The following ZMYM2 variants were observed in gnomAD, a reference collection of about 807,000 sequenced individuals.
ZMYM2 encodes the protein zinc finger MYM-type protein 2.
A neutral mutation model predicts 162.8 loss-of-function variants in ZMYM2; 56 were observed. The observed-to-expected ratio is 0.34, with a 90% confidence interval of 0.28 to 0.43. ZMYM2 has a LOEUF of 0.43. ZMYM2 is among the 20% of genes least tolerant of loss of function. The pLI is 1.00. For synonymous variants in ZMYM2, 510 were observed against 541.6 expected, an observed-to-expected ratio of 0.94 and a Z score of 0.81; for missense variants, 1,275 against 1,621.8, an observed-to-expected ratio of 0.79 and a Z score of 3.67.
chr13:20,051,419 C>G lies in ZMYM2; in HGVS notation c.2293-14C>G. 1 of 1,604,564 alleles carries G rather than the reference C, an allele frequency of 6.2e-7. No individual in the cohort carries two copies. Among genetic ancestry groups the G allele is most frequent in the South Asian group, 1.1e-5 (1 of 88,896 alleles). On this transcript the variant is annotated splice_polypyrimidine_tract_variant and intron_variant, in intron 12 of 24. Coordinates refer to ENST00000610343, the MANE Select transcript of ZMYM2 (RefSeq NM_197968.4). Reference sequence around the variant, plus strand: ...ATAATTTGCAATATCTGAAACCTTCCTTTTTAAATTAAGGCTGCAAGGTGT... The same window carrying G: ...ATAATTTGCAATATCTGAAACCTTCGTTTTTAAATTAAGGCTGCAAGGTGT...
At chr13:19,884,417 G>A in the ZMYM2 span, among the ~76,000 whole-genome samples, 1 of 152,118 alleles carries the variant, frequency 6.6e-6, no homozygotes, top group East Asian at 1.9e-4. Flanking sequence ...TATGACTAAC[G>A]ATACAAAAAA....
chr13:20,082,116 G>A lies in ZMYM2; in HGVS notation c.3554G>A (p.Ser1185Asn), dbSNP rs1254815027. The A allele has an allele frequency of 6.2e-7, 1 of 1,602,410 alleles. No individual in the cohort carries two copies. Among genetic ancestry groups the A allele is most frequent in the East Asian group, 2.3e-5 (1 of 44,342 alleles). Reference protein sequence around the residue: ...LNKILRSWQPSILPDGSIFSR... With the variant: ...LNKILRSWQPNILPDGSIFSR... ...AAAATACTGCGAAGCTGGCAACCAA[G>A]CATACTTCCAGATGGTAATGCTATT... is the stretch of plus-strand genomic sequence containing the variant. Residue 1185 changes from serine to asparagine, a missense_variant, in exon 22 of 25, where the codon AGC becomes AAC. Coordinates refer to ENST00000610343, the MANE Select transcript of ZMYM2 (RefSeq NM_197968.4).
intron 12 of ZMYM2, among the ~76,000 whole-genome samples, chr13:20,042,242 G>A (rs753549270): frequency 1.3e-5 from 2 of 152,092 alleles, no homozygotes; most frequent in East Asian, 1.9e-4. Context: ...ATTTCCTGGA[G>A]GTTTTGCTCG....
At chr13:19,942,419 A>G in the ZMYM2 span, among the ~76,000 whole-genome samples, 1 of 152,014 alleles carries the variant, frequency 6.6e-6, no homozygotes, top group Non-Finnish European at 1.5e-5. Context: ...TCATCTGTGT[A>G]CTTTTTAAAG....
chr13:20,051,400 T>C (rs1467143703), intron 12 of ZMYM2, 33 bp from the exon 13 acceptor site: 5 of 1,593,626 alleles, frequency 3.1e-6, no homozygotes, highest in Non-Finnish European at 4.3e-6. Flanking sequence ...AAAAATAATT[T>C]GCAATATCTG....
intron 2 of ZMYM2, among the ~76,000 whole-genome samples, chr13:19,977,972 G>A (rs1956942506): frequency 6.6e-6 from 1 of 150,932 alleles, no homozygotes. Context: ...CGCCTCCCGG[G>A]TTCATGCCAT....
the ZMYM2 span, among the ~76,000 whole-genome samples, chr13:19,875,408 T>C: frequency 2.0e-5 from 3 of 151,976 alleles, no homozygotes; most frequent in South Asian, 6.2e-4. Context: ...GGCAGGCAGA[T>C]CACGAGGTCA....
intron 2 of ZMYM2, among the ~76,000 whole-genome samples, chr13:19,966,104 A>C (rs188661550): frequency 7.5e-6 from 1 of 133,472 alleles, no homozygotes; most frequent in Non-Finnish European, 1.6e-5. Flanking sequence ...TTATAATTCT[A>C]TATTTGCTTG....
the ZMYM2 span, among the ~76,000 whole-genome samples, chr13:19,871,545 G>A: frequency 0.1 from 15,196 of 151,972 alleles, 904 homozygotes; most frequent in African/African-American, 0.17. Context: ...CTACAAGCAC[G>A]TGCCACCATG....
rs1958335928 is a variant in ZMYM2 at position 20,087,376 on chromosome 13, T to G, written c.*1362T>G. 1 of 190,416 alleles carries G rather than the reference T, an allele frequency of 5.3e-6. No individual in the cohort carries two copies. Among genetic ancestry groups the G allele is most frequent in the African/African-American group, 2.3e-5 (1 of 42,958 alleles). 11.8% of individuals were successfully genotyped at this position (190,416 alleles called of 1,614,324 possible). A position where few individuals can be genotyped will look rare whatever the true frequency, so the allele number is the denominator to read the frequency against. On this transcript the variant is annotated 3_prime_UTR_variant, in exon 25 of 25. Coordinates refer to ENST00000610343, the MANE Select transcript of ZMYM2 (RefSeq NM_197968.4). ...TCTACTTTCTAAAGACTGAACAAAG[T>G]GCTAGCTGCAAATTATCTTGAAATC...
At chr13:20,058,256 T>C (rs1566418181) in intron 14 of ZMYM2, among the ~76,000 whole-genome samples, 1 of 152,234 alleles carries the variant, frequency 6.6e-6, no homozygotes, top group African/African-American at 2.4e-5. Flanking sequence ...TTTTCATAGT[T>C]CAGGTTTGCA....
At chr13:20,006,941 A>G (rs1383370612) in intron 6 of ZMYM2, among the ~76,000 whole-genome samples, 2 of 152,214 alleles carry the variant, frequency 1.3e-5, no homozygotes, top group Non-Finnish European at 2.9e-5. Flanking sequence ...CTCCATTCTT[A>G]GGGAACATCT....
rs1453398485 is a variant in ZMYM2, at chr13:20,074,561, C to T, written c.3453+7171C>T. 3.1e-4 allele frequency among the ~76,000 whole-genome samples: 44 copies of T among 141,340 alleles called. 1 individual carries two copies. Among genetic ancestry groups the T allele is most frequent in the Admixed American group, 9.2e-4 (13 of 14,086 alleles). 92.7% of individuals were successfully genotyped at this position (141,340 alleles called of 152,430 possible). Reference sequence around the variant, plus strand: ...TTCCTTCCTTTTTTTTTTTTTGAGACGGAGTCTTACTCTGTCGCCCAGGCT... The same window carrying T: ...TTCCTTCCTTTTTTTTTTTTTGAGATGGAGTCTTACTCTGTCGCCCAGGCT... On this transcript the variant is annotated intron_variant, in intron 21 of 24. Coordinates refer to ENST00000610343, the MANE Select transcript of ZMYM2 (RefSeq NM_197968.4).
chr13:19,970,600 C>CAAAAAAAA (rs11365281), intron 2 of ZMYM2, among the ~76,000 whole-genome samples: 14 of 88,092 alleles, frequency 1.6e-4, no homozygotes, highest in East Asian at 1.1e-3. Context: ...AACCCCAAAC[C>CAAAAAAAA]AAAAAAAAAA....
In ZMYM2 at chr13:20,006,569, G is replaced by A. The variant is rs933587426; in HGVS notation, c.1495G>A (p.Val499Ile). 7 of 1,613,704 alleles carry A rather than the reference G, an allele frequency of 4.3e-6. No homozygotes were observed. The highest frequency in any genetic ancestry group is 5.1e-6 in the Non-Finnish European group (6 of 1,179,824). ...GAAAAGATTTTGCTGTCAAAGTTGT[G>A]TCAGTGAATACAAACAGGTAATTCA... Reference protein sequence around the residue: ...QQKRFCCQSCVSEYKQVGSHP... With the variant: ...QQKRFCCQSCISEYKQVGSHP... Residue 499 changes from valine to isoleucine, a missense_variant, in exon 6 of 25, where the codon GTC becomes ATC. Val to Ile is a conservative substitution (Grantham distance 29, BLOSUM62 3). Transcript: ENST00000610343.
At chr13:20,006,659 A>C in intron 6 of ZMYM2, 73 bp downstream of exon 6, 1 of 1,427,656 alleles carries the variant, frequency 7.0e-7, no homozygotes, top group African/African-American at 1.4e-5. Flanking sequence ...TTTTACTCTA[A>C]CAGTGTTTAT....
chr13:20,075,051 T>G (rs995808479), intron 21 of ZMYM2, among the ~76,000 whole-genome samples: 4 of 152,220 alleles, frequency 2.6e-5, no homozygotes, highest in Non-Finnish European at 5.9e-5. Context: ...TATAAGCAGC[T>G]TTAAAAGTAA....
intron 12 of ZMYM2, among the ~76,000 whole-genome samples, chr13:20,038,595 A>ATT (rs768706130): frequency 6.6e-6 from 1 of 151,998 alleles, no homozygotes; most frequent in Non-Finnish European, 1.5e-5. Context: ...GTGCGGCCTC[A>ATT]TTTCTGGGCT....
intron 3 of ZMYM2, among the ~76,000 whole-genome samples, chr13:19,999,726 A>G (rs1950259531): frequency 2.0e-5 from 3 of 152,238 alleles, no homozygotes; most frequent in Non-Finnish European, 4.4e-5. Flanking sequence ...AAACAGCCAA[A>G]TTGTAAATGC....
Sources: allele counts gnomAD v4.1 joint callset (sites outside exome capture counted in the v4.1 genomes callset), GRCh38; gene constraint gnomAD v4.1.1; transcripts MANE v1.5; gene names NCBI Gene and HGNC (gene_info 2026-07-23, HGNC 2026-07-21).